MAGI2: variants seen among roughly 807,000 people sequenced by gnomAD.
The protein encoded by MAGI2 is membrane associated guanylate kinase, WW and PDZ domain containing 2, also known as membrane-associated guanylate kinase, WW and PDZ domain-containing protein 2.
MAGI2 carries 35 observed loss-of-function variants against 133.3 expected under a neutral mutation model. That is an observed-to-expected ratio of 0.26 (90% confidence interval 0.20 to 0.35). MAGI2 has a LOEUF of 0.35. Ranked by LOEUF, MAGI2 falls within the 10% of genes least tolerant of loss-of-function variation. MAGI2 has a pLI of 1.00. For missense variants in MAGI2, 1,636 were observed against 1,863.4 expected (o/e 0.88, Z 2.25); for synonymous variants, 729 against 710.6 (o/e 1.03, Z -0.41).
intron 2 of MAGI2, among the ~76,000 whole-genome samples, chr7:78,822,442 T>C (rs1477557924): frequency 1.3e-5 from 2 of 152,124 alleles, no homozygotes; most frequent in Admixed American, 1.3e-4. Context: ...AATTTTACTA[T>C]TAAATTGTAT....
chr7:79,439,371 A>C (rs564696625), intron 1 of MAGI2, among the ~76,000 whole-genome samples: 1 of 152,226 alleles, frequency 6.6e-6, no homozygotes, highest in Admixed American at 6.5e-5. Flanking sequence ...AGGCTCAGAA[A>C]ATGTTAGTCC....
chr7:79,420,307 T>C (rs969782821), intron 1 of MAGI2, among the ~76,000 whole-genome samples: 1 of 152,044 alleles, frequency 6.6e-6, no homozygotes, highest in Non-Finnish European at 1.5e-5. Context: ...TAGATGGATA[T>C]TGCTGAACAA....
At chr7:78,832,785 G>A (rs889268996) in intron 2 of MAGI2, among the ~76,000 whole-genome samples, 13 of 152,180 alleles carry the variant, frequency 8.5e-5, no homozygotes, top group African/African-American at 2.4e-4. Flanking sequence ...CTGCCAGAAC[G>A]AGCCAACAGC....
intron 1 of MAGI2, among the ~76,000 whole-genome samples, chr7:79,372,155 A>G (rs1431214036): frequency 1.3e-5 from 2 of 152,132 alleles, no homozygotes; most frequent in African/African-American, 4.8e-5. Flanking sequence ...ACAGATTAGC[A>G]GACCAACGCA....
intron 2 of MAGI2, among the ~76,000 whole-genome samples, chr7:78,658,535 A>G (rs1812557629): frequency 6.6e-6 from 1 of 152,194 alleles, no homozygotes; most frequent in African/African-American, 2.4e-5. Flanking sequence ...CGAAAAGACA[A>G]AATACGGCCT....
chr7:78,166,680 T>C (rs1825651878), intron 15 of MAGI2, among the ~76,000 whole-genome samples: 1 of 152,182 alleles, frequency 6.6e-6, no homozygotes, highest in Admixed American at 6.5e-5. Flanking sequence ...AGCCTTATCC[T>C]CTCTACTAGT....
intron 11 of MAGI2, among the ~76,000 whole-genome samples, chr7:78,199,240 G>C (rs534445520): frequency 6.6e-6 from 1 of 152,202 alleles, no homozygotes; most frequent in African/African-American, 2.4e-5. Context: ...ACACTCAGAG[G>C]ACAGGTGTAT....
chr7:79,015,560 C>G (rs150113413), intron 1 of MAGI2, among the ~76,000 whole-genome samples: 4 of 152,200 alleles, frequency 2.6e-5, no homozygotes, highest in African/African-American at 9.6e-5. Flanking sequence ...ACTAATATAG[C>G]CTGCATAGTC....
intron 2 of MAGI2, among the ~76,000 whole-genome samples, chr7:78,747,507 C>T (rs910970755): frequency 2.0e-5 from 3 of 151,854 alleles, no homozygotes; most frequent in African/African-American, 7.3e-5. Flanking sequence ...CAATTGCAAG[C>T]ATAGTCGACT....
intron 1 of MAGI2, among the ~76,000 whole-genome samples, chr7:79,285,804 A>G (rs1835958976): frequency 1.3e-5 from 2 of 152,110 alleles, no homozygotes; most frequent in Admixed American, 6.6e-5. Flanking sequence ...TTGTCTTTTG[A>G]GGTAGTTCTT....
chr7:78,881,767 C>G (rs1249348831), intron 2 of MAGI2, among the ~76,000 whole-genome samples: 2 of 151,486 alleles, frequency 1.3e-5, no homozygotes, highest in African/African-American at 4.8e-5. Context: ...AAGAGGGACA[C>G]AATATATCAA....
chr7:79,068,285 T>C (rs1326811776), intron 1 of MAGI2, among the ~76,000 whole-genome samples: 1 of 152,188 alleles, frequency 6.6e-6, no homozygotes, highest in Non-Finnish European at 1.5e-5. Context: ...TTTCAGAACT[T>C]GTTATTGGTC....
intron 9 of MAGI2, among the ~76,000 whole-genome samples, chr7:78,307,677 G>C (rs1270201481): frequency 6.6e-6 from 1 of 152,152 alleles, no homozygotes; most frequent in Non-Finnish European, 1.5e-5. Flanking sequence ...AGGATTTGAG[G>C]TAGACCTTAA....
chr7:78,811,070 A>T (rs1289524332), intron 2 of MAGI2, among the ~76,000 whole-genome samples: 1 of 151,990 alleles, frequency 6.6e-6, no homozygotes, highest in Non-Finnish European at 1.5e-5. Flanking sequence ...CTGAAAATCC[A>T]TAATTCCATA....
intron 2 of MAGI2, among the ~76,000 whole-genome samples, chr7:78,695,911 C>T (rs1734164882): frequency 6.6e-6 from 1 of 152,088 alleles, no homozygotes; most frequent in South Asian, 2.1e-4. Context: ...TCTGTCTTCT[C>T]ATTGTATACC....
At chr7:78,541,401 T>G (rs10238232) in intron 3 of MAGI2, among the ~76,000 whole-genome samples, 4,445 of 152,304 alleles carry the variant, frequency 0.029, 214 homozygotes, top group African/African-American at 0.1. Context: ...CCATTTATCA[T>G]TAAGCTTTGT....
chr7:78,799,843 C>T (rs543008919), intron 2 of MAGI2, among the ~76,000 whole-genome samples: 2 of 152,220 alleles, frequency 1.3e-5, no homozygotes, highest in East Asian at 3.9e-4. Context: ...TGTGGGATCA[C>T]CTTTTTTCCA....
chr7:79,119,329 T>G (rs1394658260), intron 1 of MAGI2, among the ~76,000 whole-genome samples: 1 of 152,104 alleles, frequency 6.6e-6, no homozygotes, highest in African/African-American at 2.4e-5. Context: ...ACGGTATGAA[T>G]CAAGTGTTTT....
At chr7:78,116,793 A>T (rs1229452486) in intron 20 of MAGI2, among the ~76,000 whole-genome samples, 1 of 151,970 alleles carries the variant, frequency 6.6e-6, no homozygotes, top group Admixed American at 6.6e-5. Context: ...TGGGAGGATT[A>T]CTTGAGCTCA....
Sources: allele counts gnomAD v4.1 joint callset (sites outside exome capture counted in the v4.1 genomes callset), GRCh38; gene constraint gnomAD v4.1.1; transcripts MANE v1.5; gene names NCBI Gene and HGNC (gene_info 2026-07-23, HGNC 2026-07-21).